Variants in BFAR observed in about 807,000 individuals in gnomAD.
BFAR encodes bifunctional apoptosis regulator, also known as RING finger protein 47.
In BFAR, 52 loss-of-function variants were observed where a neutral mutation model predicts 54.4. The observed-to-expected ratio is 0.96, with a 90% CI of 0.77 to 1.21. The LOEUF (loss-of-function observed/expected upper bound fraction) is 1.21, where lower values mean the gene tolerates loss of function less well. BFAR is among the 50% of genes most tolerant of loss of function. The pLI, the probability that BFAR is intolerant of heterozygous loss-of-function variation, is 0.00. For synonymous variants in BFAR, 215 were observed against 204.3 expected, an observed-to-expected ratio of 1.05 and a Z score of -0.45; for missense variants, 571 against 534.0, an observed-to-expected ratio of 1.07 and a Z score of -0.68.
chr16:14,668,860 AAAAT>A lies in BFAR; in HGVS notation c.*1038_*1041del, dbSNP rs1250781534. The A allele has an allele frequency of 1.8e-5, 3 of 170,494 alleles. No homozygotes were observed. The highest frequency in any genetic ancestry group is 3.8e-5 in the Non-Finnish European group (3 of 78,302). The allele number at this position is 170,494 out of a possible 1,614,324, so 10.6% of individuals were successfully genotyped here. A position where few individuals can be genotyped will look rare whatever the true frequency, so the allele number is the denominator to read the frequency against. On this transcript the variant is annotated 3_prime_UTR_variant, in exon 8 of 8. Transcript: ENST00000261658. ...TAAAAAAAAAAAAAAAATCATCTGT[AAAAT>A]AAATTCCGGGATAGTCGTTTTGTTC... is the stretch of plus-strand genomic sequence containing the variant.
At chr16:14,659,418 A>G (rs2151843156) in intron 5 of BFAR, among the ~76,000 whole-genome samples, 1 of 145,760 alleles carries the variant, frequency 6.9e-6, no homozygotes. Context: ...TTTTTTTTGT[A>G]TTTTTAGTCG....
At position 14,636,460 on chromosome 16, in the gene BFAR, T is replaced by C. The variant is rs376819137; in HGVS notation, c.-74+3442T>C. On this transcript the variant is annotated intron_variant, in intron 1 of 7. Coordinates refer to ENST00000261658, the MANE Select transcript of BFAR (RefSeq NM_016561.3). ...TTAAATGCTGTGCTTTAGATATGCA[T>C]ACACATAAACATCTCAATGCCTTAC... is the stretch of plus-strand genomic sequence containing the variant. 5.2e-5 allele frequency among the ~76,000 whole-genome samples: 8 copies of C among 152,382 alleles called. No homozygotes were observed. The South Asian group carries it at 8.3e-4, about 16-fold the overall frequency.
At position 14,644,283 on chromosome 16, in the gene BFAR, G is replaced by A. The variant is rs571612761; in HGVS notation, c.-64G>A. On this transcript the variant is annotated 5_prime_UTR_variant, in exon 2 of 8. An upstream start codon of the reference 5' UTR is lost. Transcript: ENST00000261658. ...TGTTTTTTTTTTCTAGATTAATGAT[G>A]TTTTGCAGCAGTTTTCTACGTCTGA... 2.7e-5 allele frequency: 39 copies of A among 1,445,070 alleles called. No individual in the cohort carries two copies. The South Asian group carries it at 4.5e-4, about 17-fold the overall frequency. The allele number at this position is 1,445,070 out of a possible 1,614,324, so 89.5% of individuals were successfully genotyped here. A position where few individuals can be genotyped will look rare whatever the true frequency, so the allele number is the denominator to read the frequency against.
Position 14,644,340 on chromosome 16 carries a change from C to T in BFAR, c.-7C>T, listed in dbSNP as rs12917767. On this transcript the variant is annotated 5_prime_UTR_variant, in exon 2 of 8. Coordinates refer to ENST00000261658, the MANE Select transcript of BFAR (RefSeq NM_016561.3). ...TTATGTCTCTGGAACCCAGAATTTG[C>T]TAAGAGATGGAGGAACCTCAGAAAA... 19 of 1,609,242 alleles carry T rather than the reference C, an allele frequency of 1.2e-5. No individual in the cohort carries two copies. Among genetic ancestry groups the T allele is most frequent in the Non-Finnish European group, 1.6e-5 (19 of 1,176,440 alleles).
intron 1 of BFAR, chr16:14,633,353 T>A (rs534447931): frequency 6.6e-6 from 1 of 152,522 alleles, no homozygotes; most frequent in East Asian, 1.9e-4. Context: ...AGGGGTCGCT[T>A]CCAAACACCT....
chr16:14,644,582 G>A lies in BFAR; in HGVS notation c.236G>A (p.Gly79Asp). The change falls in exon 2 of 8, where the codon GGT becomes GAT. Residue 79 changes from glycine to aspartate, a missense_variant. Transcript: ENST00000261658. Reference sequence around the variant, plus strand: ...CCAGAATGCAGAGAAAAATGGGAAGGTTTCCCCAAAGTCAGTATTCTCCTC... The same window carrying A: ...CCAGAATGCAGAGAAAAATGGGAAGATTTCCCCAAAGTCAGTATTCTCCTC... The part of the protein sequence containing the change: ...ECPECREKWE[G>D]FPKVSILLRD... 1 of 1,613,574 alleles carries A rather than the reference G, an allele frequency of 6.2e-7. No individual in the cohort carries two copies. Among genetic ancestry groups the A allele is most frequent in the African/African-American group, 1.3e-5 (1 of 74,878 alleles).
intron 5 of BFAR, among the ~76,000 whole-genome samples, chr16:14,656,867 C>T (rs1336109658): frequency 6.6e-6 from 1 of 152,008 alleles, no homozygotes; most frequent in African/African-American, 2.4e-5. Flanking sequence ...CTTTGGGAGG[C>T]CGAGGCAGGC....
intron 4 of BFAR, among the ~76,000 whole-genome samples, chr16:14,652,924 C>T (rs1413953479): frequency 6.6e-6 from 1 of 152,162 alleles, no homozygotes; most frequent in Non-Finnish European, 1.5e-5. Context: ...GACTGCCACC[C>T]CTCCTACTCC....
intron 7 of BFAR, among the ~76,000 whole-genome samples, chr16:14,665,963 C>A (rs1330745953): frequency 6.6e-6 from 1 of 152,094 alleles, no homozygotes; most frequent in Admixed American, 6.6e-5. Flanking sequence ...ACCCTGAGAC[C>A]CAAACGCTGT....
Position 14,649,984 on chromosome 16 carries a change from A to AGGTG in BFAR, c.638+11_638+12insGGTG. 6 of 1,601,944 alleles carry AGGTG rather than the reference A, an allele frequency of 3.7e-6. No individual in the cohort carries two copies. Among genetic ancestry groups the AGGTG allele is most frequent in the Non-Finnish European group, 5.1e-6 (6 of 1,172,462 alleles). ...ACGAGTAAATGGAAGGTGAGGAGCA[A>AGGTG]AGTCTTCTGACACACCGTGGACATT... On this transcript the variant is annotated intron_variant, in intron 4 of 7. Coordinates refer to ENST00000261658, the MANE Select transcript of BFAR (RefSeq NM_016561.3).
intron 1 of BFAR, among the ~76,000 whole-genome samples, chr16:14,642,165 C>T (rs1051389647): frequency 6.6e-6 from 1 of 152,156 alleles, no homozygotes; most frequent in Admixed American, 6.5e-5. Flanking sequence ...CGGCGGAGAG[C>T]AATTTTCAGT....
chr16:14,660,112 A>C (rs1960248459), intron 5 of BFAR, among the ~76,000 whole-genome samples: 1 of 152,150 alleles, frequency 6.6e-6, no homozygotes. Flanking sequence ...GCCCCTGTTA[A>C]GCCTTCCCTC....
chr16:14,657,143 G>A (rs1041759625), intron 5 of BFAR, among the ~76,000 whole-genome samples: 2 of 152,124 alleles, frequency 1.3e-5, no homozygotes, highest in Non-Finnish European at 2.9e-5. Flanking sequence ...TAATATGTGC[G>A]TGTATTACTT....
At chr16:14,653,525 C>A (rs1457280288) in intron 4 of BFAR, among the ~76,000 whole-genome samples, 1 of 151,974 alleles carries the variant, frequency 6.6e-6, no homozygotes, top group Non-Finnish European at 1.5e-5. Flanking sequence ...GAGGTTTCAC[C>A]ACGTTGGCCA....
intron 2 of BFAR, 71 bp downstream of exon 2, chr16:14,644,680 T>A: frequency 6.6e-7 from 1 of 1,524,312 alleles, no homozygotes; most frequent in Non-Finnish European, 8.8e-7. Context: ...TTTTTTTTTT[T>A]TTTTTTAACA....
intron 6 of BFAR, among the ~76,000 whole-genome samples, chr16:14,662,829 G>C (rs1960329245): frequency 6.6e-6 from 1 of 152,132 alleles, no homozygotes; most frequent in Admixed American, 6.6e-5. Context: ...GGATTTATTT[G>C]TCCGGGAGCG....
In BFAR at chr16:14,638,446, A is replaced by G. The variant is rs1439138940; in HGVS notation, c.-74+5428A>G. ...CTGGACTTCCAATAAAGTAGCCCTT[A>G]AAAGGATCATTCTTAAAATATTAGC... On this transcript the variant is annotated intron_variant, in intron 1 of 7. Coordinates refer to ENST00000261658, the MANE Select transcript of BFAR (RefSeq NM_016561.3). Among the ~76,000 whole-genome samples the G allele has an allele frequency of 2.0e-5, 3 of 152,236 alleles. No homozygotes were observed. In the East Asian group the frequency reaches 5.8e-4, roughly 29 times the overall value.
chr16:14,639,318 T>C (rs1959550778), intron 1 of BFAR, among the ~76,000 whole-genome samples: 1 of 152,010 alleles, frequency 6.6e-6, no homozygotes, highest in South Asian at 2.1e-4. Context: ...AAGTTCTTTT[T>C]TTTTTTTCAG....
At chr16:14,640,710 T>C (rs1257970328) in intron 1 of BFAR, among the ~76,000 whole-genome samples, 1 of 152,196 alleles carries the variant, frequency 6.6e-6, no homozygotes, top group East Asian at 1.9e-4. Context: ...ACCTGCTTCC[T>C]TATAACCACT....
Sources: allele counts gnomAD v4.1 joint callset (sites outside exome capture counted in the v4.1 genomes callset), GRCh38; gene constraint gnomAD v4.1.1; transcripts MANE v1.5; gene names NCBI Gene and HGNC (gene_info 2026-07-23, HGNC 2026-07-21).